The following ZFP1 variants were observed in gnomAD, a reference collection of about 807,000 sequenced individuals.
ZFP1 encodes the protein ZFP1 zinc finger protein.
A neutral mutation model predicts 38.5 loss-of-function variants in ZFP1; 32 were observed. The ratio of observed to expected loss-of-function variants is 0.83; its 90% confidence interval spans 0.63 to 1.12. The LOEUF (loss-of-function observed/expected upper bound fraction) is 1.12. ZFP1 is among the 50% of genes most tolerant of loss of function. ZFP1 has a pLI of 0.00. For synonymous variants in ZFP1, 245 were observed against 168.8 expected (o/e 1.45, Z -3.50); for missense variants, 616 against 480.8 (o/e 1.28, Z -2.63).
Position 75,172,103 on chromosome 16 carries a change from G to A in ZFP1, c.*1769G>A, listed in dbSNP as rs1307720077. 2.0e-5 allele frequency: 3 copies of A among 152,130 alleles called. No individual in the cohort carries two copies. The highest frequency in any genetic ancestry group is 2.9e-5 in the Non-Finnish European group (2 of 68,030). The allele number at this position is 152,130 out of a possible 1,614,324, so 9.4% of individuals were successfully genotyped here. On this transcript the variant is annotated 3_prime_UTR_variant, in exon 4 of 4. Coordinates refer to ENST00000570010, the MANE Select transcript of ZFP1 (RefSeq NM_153688.4). ...TGGTAAAAACATACCATGGCTGAAT[G>A]GTATTTCCTTGAAAAGAATGTGTGG... is the stretch of plus-strand genomic sequence containing the variant.
the ZFP1 span, among the ~76,000 whole-genome samples, chr16:75,137,657 G>A: frequency 6.6e-6 from 1 of 151,598 alleles, no homozygotes; most frequent in African/African-American, 2.4e-5. Flanking sequence ...TAGTAGAGAC[G>A]GGGTTTCACC....
the ZFP1 span, among the ~76,000 whole-genome samples, chr16:75,138,454 A>C: frequency 6.6e-6 from 1 of 152,314 alleles, no homozygotes; most frequent in South Asian, 2.1e-4. Context: ...CAGGATGATC[A>C]AGGTCGATAT....
At chr16:75,128,342 G>A in the ZFP1 span, among the ~76,000 whole-genome samples, 1 of 152,188 alleles carries the variant, frequency 6.6e-6, no homozygotes, top group African/African-American at 2.4e-5. Flanking sequence ...CCTTCTCTGG[G>A]ACAACGTTCC....
In ZFP1 at chr16:75,163,620, TGTTG is replaced by T. The variant is rs770351600; in HGVS notation, c.16-3149_16-3146del. Among the ~76,000 whole-genome samples the T allele has an allele frequency of 4.4e-5, 6 of 137,552 alleles. 1 individual carries two copies. The highest frequency in any genetic ancestry group is 2.1e-4 in the East Asian group (1 of 4,726). The allele number at this position is 137,552 out of a possible 152,430, so 90.2% of individuals were successfully genotyped here. ...GCCACTGCACCCAGCCTTTTTTTTT[TGTTG>T]TTGTTGAGACAGGGTCTTGCTGTGT... On this transcript the variant is annotated intron_variant, in intron 2 of 3. Transcript: ENST00000570010.
chr16:75,131,538 A>C, the ZFP1 span, among the ~76,000 whole-genome samples: 1 of 152,050 alleles, frequency 6.6e-6, no homozygotes, highest in Admixed American at 6.6e-5. Context: ...TCAAATCGGG[A>C]GTGCACACTC....
At chr16:75,158,668 G>A (rs148576865) in intron 2 of ZFP1, among the ~76,000 whole-genome samples, 2 of 148,388 alleles carry the variant, frequency 1.3e-5, no homozygotes, top group African/African-American at 2.5e-5. Context: ...GTGAATTTCA[G>A]TGTGTCATTT....
the ZFP1 span, among the ~76,000 whole-genome samples, chr16:75,129,250 C>T: frequency 6.6e-6 from 1 of 152,058 alleles, no homozygotes; most frequent in Admixed American, 6.6e-5. Context: ...ATGAGCTTTC[C>T]TAGCAACTAG....
At chr16:75,125,020 G>C in the ZFP1 span, among the ~76,000 whole-genome samples, 1 of 152,056 alleles carries the variant, frequency 6.6e-6, no homozygotes, top group Non-Finnish European at 1.5e-5. Flanking sequence ...CCAACACTTT[G>C]GGAGGCCGAG....
the ZFP1 span, among the ~76,000 whole-genome samples, chr16:75,126,668 G>A: frequency 6.6e-6 from 1 of 152,208 alleles, no homozygotes; most frequent in African/African-American, 2.4e-5. Flanking sequence ...CTCCTTAAAT[G>A]CTGGGGTTAC....
At chr16:75,143,232 T>C in the ZFP1 span, among the ~76,000 whole-genome samples, 1 of 152,060 alleles carries the variant, frequency 6.6e-6, no homozygotes, top group African/African-American at 2.4e-5. Flanking sequence ...TCACTGGGCC[T>C]GAATTTTTTG....
chr16:75,131,932 T>C, the ZFP1 span, among the ~76,000 whole-genome samples: 1 of 150,146 alleles, frequency 6.7e-6, no homozygotes, highest in Non-Finnish European at 1.5e-5. Flanking sequence ...ACCACTGTAC[T>C]CCAGCCGGGA....
At chr16:75,135,996 A>G in the ZFP1 span, among the ~76,000 whole-genome samples, 2 of 152,152 alleles carry the variant, frequency 1.3e-5, no homozygotes, top group African/African-American at 2.4e-5. Context: ...TTATATTTTT[A>G]GTAGAGATGG....
At chr16:75,149,488 T>A (rs999513443) in intron 1 of ZFP1, among the ~76,000 whole-genome samples, 1 of 152,156 alleles carries the variant, frequency 6.6e-6, no homozygotes, top group Admixed American at 6.5e-5. Context: ...AGGGACCTCA[T>A]GTAAAATGGT....
At chr16:75,166,566 GAC>G in intron 2 of ZFP1, 1 of 985,218 alleles carries the variant, frequency 1.0e-6, no homozygotes, top group South Asian at 4.7e-5. Context: ...TATCAAATAT[GAC>G]AGTGCCAGAG....
rs774731795 is a variant in ZFP1, at chr16:75,166,800, G to T, written c.46G>T (p.Asp16Tyr). Residue 16 changes from aspartate to tyrosine, a missense_variant, in exon 3 of 4, where the codon GAC becomes TAC. Coordinates refer to ENST00000570010, the MANE Select transcript of ZFP1 (RefSeq NM_153688.4). ...GSVSFTDVTV[D>Y]FTQEEWEQLD... is the part of the protein sequence containing the mutation. ...AGTTTCATTCACGGATGTGACTGTG[G>T]ACTTTACCCAGGAGGAATGGGAACA... 1.2e-6 allele frequency: 2 copies of T among 1,614,018 alleles called. No homozygotes were observed. Among genetic ancestry groups the T allele is most frequent in the Non-Finnish European group, 1.7e-6 (2 of 1,180,028 alleles).
the ZFP1 span, among the ~76,000 whole-genome samples, chr16:75,135,507 T>C: frequency 6.6e-6 from 1 of 152,206 alleles, no homozygotes; most frequent in Non-Finnish European, 1.5e-5. Context: ...CTCCAGCCTG[T>C]AATCAATTCC....
chr16:75,128,511 T>C, the ZFP1 span, among the ~76,000 whole-genome samples: 1 of 152,244 alleles, frequency 6.6e-6, no homozygotes, highest in Non-Finnish European at 1.5e-5. Flanking sequence ...TCCAAAACTA[T>C]AGTAACACTC....
the ZFP1 span, among the ~76,000 whole-genome samples, chr16:75,124,357 G>A: frequency 4.0e-5 from 6 of 150,684 alleles, no homozygotes; most frequent in Non-Finnish European, 5.9e-5. Context: ...ACAGGGTTTT[G>A]CCATGTTAGC....
At chr16:75,134,922 C>A in the ZFP1 span, among the ~76,000 whole-genome samples, 1 of 151,510 alleles carries the variant, frequency 6.6e-6, no homozygotes, top group African/African-American at 2.4e-5. Context: ...GGTGTGGTGG[C>A]GCATGCCTGT....
Sources: gnomAD v4.1 joint callset for allele counts (sites outside exome capture counted in the v4.1 genomes callset) on GRCh38, gnomAD v4.1.1 for gene constraint, MANE v1.5 for transcripts, NCBI Gene and HGNC (gene_info 2026-07-23, HGNC 2026-07-21) for gene names.